Variants in LPGAT1 observed in about 807,000 individuals in gnomAD.
LPGAT1 encodes acyl-CoA:lysophosphatidylglycerol acyltransferase 1.
A neutral mutation model predicts 47.5 loss-of-function variants in LPGAT1; 11 were observed. That is an observed-to-expected ratio of 0.23 (90% CI 0.15 to 0.38). The LOEUF (loss-of-function observed/expected upper bound fraction) is 0.38, where lower values mean the gene tolerates loss of function less well. Ranked by LOEUF, LPGAT1 falls within the 10% of genes least tolerant of loss-of-function variation. The pLI is 1.00. For missense variants in LPGAT1, 293 were observed against 439.0 expected (o/e 0.67, Z 2.97); for synonymous variants, 138 against 144.2 (o/e 0.96, Z 0.31).
intron 3 of LPGAT1, among the ~76,000 whole-genome samples, chr1:211,789,869 C>CAAAAAA (rs10651480): frequency 7.2e-6 from 1 of 138,470 alleles, no homozygotes; most frequent in African/African-American, 2.6e-5. Flanking sequence ...GACTCTGTCT[C>CAAAAAA]AAAAAAAAAA....
chr1:211,813,683 T>C (rs1471168016), intron 2 of LPGAT1, among the ~76,000 whole-genome samples: 1 of 152,240 alleles, frequency 6.6e-6, no homozygotes, highest in Non-Finnish European at 1.5e-5. Context: ...AACATTTTGC[T>C]TAACTGGAGT....
chr1:211,825,885 G>C (rs999832874), intron 2 of LPGAT1, among the ~76,000 whole-genome samples: 4 of 152,004 alleles, frequency 2.6e-5, no homozygotes, highest in Admixed American at 2.6e-4. Flanking sequence ...GCTTGAACTC[G>C]GGAGGCGGAG....
At chr1:211,756,875 C>T (rs200053157) in intron 6 of LPGAT1, among the ~76,000 whole-genome samples, 12,559 of 131,944 alleles carry the variant, frequency 0.095, 631 homozygotes, top group Admixed American at 0.16. Context: ...TTTTTTCTCT[C>T]TTTTTTTTTT....
intron 2 of LPGAT1, among the ~76,000 whole-genome samples, chr1:211,807,064 T>C (rs909633645): frequency 1.3e-5 from 2 of 152,176 alleles, no homozygotes; most frequent in Admixed American, 1.3e-4. Flanking sequence ...AATAAGTGAG[T>C]TTAGCAAAGT....
At chr1:211,769,079 G>T (rs1180646570) in intron 6 of LPGAT1, among the ~76,000 whole-genome samples, 1 of 152,158 alleles carries the variant, frequency 6.6e-6, no homozygotes, top group East Asian at 1.9e-4. Context: ...TCTGAGCCTA[G>T]CACAGACACA....
chr1:211,804,100 T>C (rs57661254), intron 2 of LPGAT1, among the ~76,000 whole-genome samples: 4,966 of 152,152 alleles, frequency 0.033, 250 homozygotes, highest in African/African-American at 0.11. Flanking sequence ...TGAGGTTGGG[T>C]CTTACTCTGC....
intron 2 of LPGAT1, among the ~76,000 whole-genome samples, chr1:211,813,494 T>C (rs1660069143): frequency 2.0e-5 from 3 of 152,198 alleles, no homozygotes; most frequent in South Asian, 4.1e-4. Context: ...TTTTCAAATA[T>C]GCAGGCCAAG....
chr1:211,797,199 T>C (rs1659385269), intron 2 of LPGAT1, among the ~76,000 whole-genome samples: 1 of 151,960 alleles, frequency 6.6e-6, no homozygotes, highest in South Asian at 2.1e-4. Context: ...AAGGTTACAG[T>C]GAGCCAAGAT....
At chr1:211,782,758 AAAC>A (rs1265149044) in intron 5 of LPGAT1, among the ~76,000 whole-genome samples, 1 of 152,150 alleles carries the variant, frequency 6.6e-6, no homozygotes, top group Non-Finnish European at 1.5e-5. Flanking sequence ...AAAAAAACAA[AAAC>A]AACAACAACA....
At chr1:211,769,324 A>G (rs1658066618) in intron 6 of LPGAT1, among the ~76,000 whole-genome samples, 1 of 152,198 alleles carries the variant, frequency 6.6e-6, no homozygotes, top group African/African-American at 2.4e-5. Context: ...GGAGCCATGG[A>G]CGACCCCAAG....
chr1:211,821,017 A>G (rs1261480533), intron 2 of LPGAT1, among the ~76,000 whole-genome samples: 1 of 152,190 alleles, frequency 6.6e-6, no homozygotes, highest in Non-Finnish European at 1.5e-5. Context: ...TTAATATCAG[A>G]AGACATTTGT....
At chr1:211,789,412 C>T (rs906598746) in intron 3 of LPGAT1, among the ~76,000 whole-genome samples, 2 of 152,026 alleles carry the variant, frequency 1.3e-5, no homozygotes, top group African/African-American at 4.8e-5. Flanking sequence ...GTAAAGATAC[C>T]CAAACTATTT....
At chr1:211,757,455 T>C (rs1051444988) in intron 6 of LPGAT1, among the ~76,000 whole-genome samples, 11 of 152,218 alleles carry the variant, frequency 7.2e-5, no homozygotes, top group African/African-American at 2.4e-4. Flanking sequence ...ATTTGGCATA[T>C]GATAAACACT....
At chr1:211,770,288 C>T (rs567384641) in intron 6 of LPGAT1, among the ~76,000 whole-genome samples, 13 of 152,164 alleles carry the variant, frequency 8.5e-5, no homozygotes, top group Admixed American at 4.6e-4. Context: ...TTGGCTGCAT[C>T]GATTTGTGTG....
intron 2 of LPGAT1, among the ~76,000 whole-genome samples, chr1:211,802,712 A>G (rs999044520): frequency 1.3e-5 from 2 of 152,176 alleles, no homozygotes; most frequent in Non-Finnish European, 2.9e-5. Flanking sequence ...CAGAAAAAAG[A>G]ACAGAGAAAA....
In LPGAT1 at chr1:211,818,881, C is replaced by T. The variant is rs761417332; in HGVS notation, c.238+10178G>A. Among the ~76,000 whole-genome samples the T allele has an allele frequency of 3.1e-4, 47 of 152,236 alleles. 1 individual carries two copies. Among genetic ancestry groups the T allele is most frequent in the South Asian group, 1.0e-3 (5 of 4,826 alleles). On this transcript the variant is annotated intron_variant, in intron 2 of 7. Transcript: ENST00000366997. ...TGCTACTGGTAAGCAGTCTAAGAAT[C>T]AAAACACGTTGGAAACCACTGGGAG... is the stretch of plus-strand genomic sequence containing the variant.
At chr1:211,756,029 G>T (rs1198641374) in intron 6 of LPGAT1, among the ~76,000 whole-genome samples, 1 of 151,974 alleles carries the variant, frequency 6.6e-6, no homozygotes, top group African/African-American at 2.4e-5. Flanking sequence ...TGAGGTCAGG[G>T]GTTTGAGACA....
chr1:211,829,013 G>A, intron 2 of LPGAT1, 46 bp downstream of exon 2: 1 of 1,596,510 alleles, frequency 6.3e-7, no homozygotes, highest in Non-Finnish European at 8.6e-7. Context: ...CATGGTTCCT[G>A]ACAAATTTTT....
intron 6 of LPGAT1, among the ~76,000 whole-genome samples, chr1:211,765,784 G>A (rs777010213): frequency 3.3e-5 from 5 of 152,108 alleles, no homozygotes; most frequent in Non-Finnish European, 7.4e-5. Flanking sequence ...ATGTGTATAG[G>A]TTAATTTTTC....
Sources: gnomAD v4.1 joint callset for allele counts (sites outside exome capture counted in the v4.1 genomes callset) on GRCh38, gnomAD v4.1.1 for gene constraint, MANE v1.5 for transcripts, NCBI Gene and HGNC (gene_info 2026-07-23, HGNC 2026-07-21) for gene names.